Variants in DMD observed in about 807,000 individuals in gnomAD.
DMD encodes mutant dystrophin.
In DMD, 63 loss-of-function variants were observed where a neutral mutation model predicts 330.1. The observed-to-expected ratio is 0.19, with a 90% CI of 0.16 to 0.24. The LOEUF (loss-of-function observed/expected upper bound fraction) is 0.24, where lower values mean the gene tolerates loss of function less well. Ranked by LOEUF, DMD falls within the 10% of genes least tolerant of loss-of-function variation. DMD has a pLI of 1.00. For missense variants in DMD, 3,344 were observed against 2,684.1 expected (o/e 1.25, Z -5.43); for synonymous variants, 1,223 against 959.8 (o/e 1.27, Z -5.07).
chrX:32,715,287 G>A (rs1280519098), intron 7 of DMD, among the ~76,000 whole-genome samples: 2 of 109,438 alleles, frequency 1.8e-5, no homozygotes, highest in Non-Finnish European at 3.8e-5. Flanking sequence ...GACCATCCTG[G>A]CCAACATGGT....
chrX:31,631,361 G>T (rs958334165), intron 54 of DMD, among the ~76,000 whole-genome samples: 6 of 111,163 alleles, frequency 5.4e-5, no homozygotes, highest in Admixed American at 3.8e-4. Flanking sequence ...CTGAGAGCTG[G>T]ACTCAGCTAA....
intron 78 of DMD, among the ~76,000 whole-genome samples, chrX:31,123,191 A>G (rs2033058620): frequency 9.0e-6 from 1 of 111,714 alleles, no homozygotes; most frequent in African/African-American, 3.3e-5. Context: ...AGGCACTTAA[A>G]CAGTGATGGC....
At chrX:32,332,894 A>T (rs1000657234) in intron 41 of DMD, among the ~76,000 whole-genome samples, 14 of 110,366 alleles carry the variant, frequency 1.3e-4, no homozygotes, top group African/African-American at 4.6e-4. Flanking sequence ...ATTTGAGGGG[A>T]AAAGAATAAT....
chrX:32,940,253 G>C (rs2090314196), intron 2 of DMD, among the ~76,000 whole-genome samples: 1 of 111,941 alleles, frequency 8.9e-6, no homozygotes, highest in Non-Finnish European at 1.9e-5. Context: ...CTTGAAATTT[G>C]CTGAGAGTAA....
rs781360964 is a variant in DMD at position 32,398,827 on chromosome X, C to A, written c.4234-8646G>T. On this transcript the variant is annotated intron_variant, in intron 30 of 78. Transcript: ENST00000357033. The stretch of plus-strand genomic sequence containing the variant: ...GAATGAAACTGGAGGAATCACTTTA[C>A]CTAACTTTAAATTATACTACACAGC... 2.7e-5 allele frequency among the ~76,000 whole-genome samples: 3 copies of A among 111,691 alleles called. No homozygotes were observed. The South Asian group carries it at 1.1e-3, about 41-fold the overall frequency.
intron 13 of DMD, among the ~76,000 whole-genome samples, chrX:32,587,713 C>A (rs5928026): frequency 0.061 from 6,776 of 110,921 alleles, 209 homozygotes; most frequent in Middle Eastern, 0.11. Flanking sequence ...CATGAGATTC[C>A]AGTTTGTGTT....
chrX:32,518,675 C>G (rs1044668637), intron 17 of DMD, among the ~76,000 whole-genome samples: 1 of 110,641 alleles, frequency 9.0e-6, no homozygotes, highest in Non-Finnish European at 1.9e-5. Context: ...GAGAAGACAA[C>G]AATTATATAA....
At chrX:32,932,169 A>G (rs1456256617) in intron 2 of DMD, among the ~76,000 whole-genome samples, 4 of 112,219 alleles carry the variant, frequency 3.6e-5, no homozygotes, top group Admixed American at 9.5e-5. Flanking sequence ...TGATATGGCT[A>G]CAATAGAATC....
chrX:31,799,140 C>A (rs1157649561), intron 50 of DMD, among the ~76,000 whole-genome samples: 1 of 111,999 alleles, frequency 8.9e-6, no homozygotes, highest in Non-Finnish European at 1.9e-5. Context: ...CTATATTGAA[C>A]AATACGCTGA....
At position 31,766,873 on chromosome X, in the gene DMD, T is replaced by TTGTGTGTGTGTGTGTGTGTGTGTG. The variant is rs756777827; in HGVS notation, c.7542+7063_7542+7086dup. On this transcript the variant is annotated intron_variant, in intron 51 of 78. Transcript: ENST00000357033. ...ATTAGGAGACTTAGAAAATATGATT[T>TTGTGTGTGTGTGTGTGTGTGTGTG]TGTGTGTGTGTGTGTGTGTGTGTGT... Among the ~76,000 whole-genome samples, 8 of 101,086 alleles carry TTGTGTGTGTGTGTGTGTGTGTGTG rather than the reference T, an allele frequency of 7.9e-5. No individual in the cohort carries two copies. The East Asian group carries it at 9.3e-4, about 12-fold the overall frequency. 87.8% of individuals were successfully genotyped at this position (101,086 alleles called of 115,157 possible).
intron 44 of DMD, among the ~76,000 whole-genome samples, chrX:32,009,354 C>T (rs889866845): frequency 9.0e-6 from 1 of 111,714 alleles, no homozygotes; most frequent in African/African-American, 3.3e-5. Context: ...TAACACACAA[C>T]GTTATCATAA....
At chrX:32,640,151 A>G (rs1262828090) in intron 11 of DMD, among the ~76,000 whole-genome samples, 4 of 109,766 alleles carry the variant, frequency 3.6e-5, no homozygotes, top group Non-Finnish European at 5.7e-5. Context: ...CAAATTACAT[A>G]TAAAAAGTGA....
chrX:32,575,145 G>A (rs970444838), intron 13 of DMD, among the ~76,000 whole-genome samples: 1 of 111,173 alleles, frequency 9.0e-6, no homozygotes, highest in Non-Finnish European at 1.9e-5. Flanking sequence ...TGATCCACCT[G>A]CCTCAGCCTC....
intron 45 of DMD, among the ~76,000 whole-genome samples, chrX:31,965,816 A>G (rs2095345774): frequency 8.9e-6 from 1 of 112,053 alleles, no homozygotes; most frequent in Non-Finnish European, 1.9e-5. Flanking sequence ...TTGAAGCTGT[A>G]GTGAATTGTC....
intron 9 of DMD, among the ~76,000 whole-genome samples, chrX:32,650,991 T>C (rs976682209): frequency 8.9e-6 from 1 of 111,816 alleles, no homozygotes; most frequent in African/African-American, 3.3e-5. Context: ...TTGCCAAAGG[T>C]CACAAAGGTA....
intron 55 of DMD, among the ~76,000 whole-genome samples, chrX:31,575,353 G>GA (rs754867180): frequency 3.6e-5 from 4 of 110,441 alleles, no homozygotes; most frequent in East Asian, 5.7e-4. Context: ...TGAGACAGTT[G>GA]AAAAAAAAGC....
intron 54 of DMD, among the ~76,000 whole-genome samples, chrX:31,648,617 C>CAAAAA (rs548846514): frequency 1.1e-4 from 2 of 18,986 alleles, no homozygotes; most frequent in African/African-American, 2.4e-4. Flanking sequence ...AAGGGAGCTG[C>CAAAAA]AAAAAAAAAA....
At chrX:32,454,482 T>A (rs750567439) in intron 26 of DMD, among the ~76,000 whole-genome samples, 180 bp downstream of exon 26, 1 of 110,793 alleles carries the variant, frequency 9.0e-6, no homozygotes, top group Admixed American at 9.6e-5. Context: ...AATTAAACAG[T>A]TTAAGGTTGT....
intron 2 of DMD, among the ~76,000 whole-genome samples, chrX:32,892,786 C>A (rs769505764): frequency 8.9e-6 from 1 of 111,983 alleles, no homozygotes. Context: ...CATTGTTTCC[C>A]AGCTCAGGCC....
Sources: gnomAD v4.1 joint callset for allele counts (sites outside exome capture counted in the v4.1 genomes callset) on GRCh38, gnomAD v4.1.1 for gene constraint, MANE v1.5 for transcripts, NCBI Gene and HGNC (gene_info 2026-07-23, HGNC 2026-07-21) for gene names.